TSC22D1: variants seen among roughly 807,000 people sequenced by gnomAD.
TSC22D1 encodes TSC22 domain family protein 1.
Under a neutral mutation model 74.2 loss-of-function variants are expected in TSC22D1, and 9 were observed. That is an observed-to-expected ratio of 0.12 (90% confidence interval 0.07 to 0.21). The LOEUF is 0.21. Ranked by LOEUF, TSC22D1 falls within the 10% of genes least tolerant of loss-of-function variation. The pLI is 1.00. For synonymous variants in TSC22D1, 586 were observed against 492.5 expected, an observed-to-expected ratio of 1.19 and a Z score of -2.51; for missense variants, 1,427 against 1,304.7, an observed-to-expected ratio of 1.09 and a Z score of -1.44.
chr13:44,446,051 C>T (rs1875606377), intron 1 of TSC22D1, among the ~76,000 whole-genome samples: 1 of 152,150 alleles, frequency 6.6e-6, no homozygotes, highest in Non-Finnish European at 1.5e-5. Context: ...AAATTGAAAA[C>T]ATGTTACCAC....
rs373719691 is a variant in TSC22D1 at position 44,484,869 on chromosome 13, G to C, written c.2913-48774C>G. The stretch of plus-strand genomic sequence containing the variant: ...TTTAACTGATAACACTGGAATTGTA[G>C]AAAATACATGAGCATCTGTGTTTTG... On this transcript the variant is annotated intron_variant, in intron 1 of 2. Coordinates refer to ENST00000458659, the MANE Select transcript of TSC22D1 (RefSeq NM_183422.4). Among the ~76,000 whole-genome samples the C allele has an allele frequency of 1.4e-4, 21 of 152,310 alleles. No individual in the cohort carries two copies. The East Asian group carries it at 2.3e-3, about 17-fold the overall frequency.
intron 1 of TSC22D1, among the ~76,000 whole-genome samples, chr13:44,442,000 A>G (rs1277285718): frequency 6.6e-6 from 1 of 152,164 alleles, no homozygotes; most frequent in African/African-American, 2.4e-5. Flanking sequence ...ATGAAAAAAA[A>G]ACTCTGTAAA....
chr13:44,555,537 T>C (rs1411259927), intron 1 of TSC22D1, among the ~76,000 whole-genome samples: 2 of 151,932 alleles, frequency 1.3e-5, no homozygotes, highest in African/African-American at 4.8e-5. Flanking sequence ...ACCCACGAGG[T>C]GGAGGTTGCA....
intron 1 of TSC22D1, among the ~76,000 whole-genome samples, chr13:44,509,839 CAGAAA>C (rs1879606942): frequency 6.9e-6 from 1 of 145,384 alleles, no homozygotes; most frequent in South Asian, 2.2e-4. Flanking sequence ...GGTTCACTAA[CAGAAA>C]AAAGAGACAG....
chr13:44,535,431 T>C (rs1595144069), intron 1 of TSC22D1, among the ~76,000 whole-genome samples: 2 of 152,054 alleles, frequency 1.3e-5, no homozygotes, highest in Admixed American at 1.3e-4. Flanking sequence ...GAAATATTTT[T>C]AAAGGGAAAC....
intron 1 of TSC22D1, chr13:44,537,634 T>A: frequency 2.0e-6 from 2 of 984,726 alleles, no homozygotes; most frequent in Non-Finnish European, 2.4e-6. Context: ...AAACCAATTG[T>A]CTTATTAACA....
At chr13:44,567,990 G>A (rs1033056990) in intron 1 of TSC22D1, among the ~76,000 whole-genome samples, 3 of 151,994 alleles carry the variant, frequency 2.0e-5, no homozygotes, top group African/African-American at 7.2e-5. Flanking sequence ...AGGAAGGGAA[G>A]GAAAAACAAA....
intron 1 of TSC22D1, among the ~76,000 whole-genome samples, chr13:44,529,000 A>G (rs1258549693): frequency 6.6e-6 from 1 of 152,092 alleles, no homozygotes; most frequent in Non-Finnish European, 1.5e-5. Flanking sequence ...CTTCCCATGT[A>G]GAGTTCTACC....
chr13:44,442,431 T>C (rs1473554848), intron 1 of TSC22D1, among the ~76,000 whole-genome samples: 2 of 152,124 alleles, frequency 1.3e-5, no homozygotes, highest in East Asian at 3.8e-4. Context: ...GAGGAAAACA[T>C]TAGCATATTA....
intron 1 of TSC22D1, among the ~76,000 whole-genome samples, chr13:44,444,784 AATTT>A (rs1331794489): frequency 6.6e-6 from 1 of 152,162 alleles, no homozygotes; most frequent in East Asian, 1.9e-4. Context: ...GGCATATCAA[AATTT>A]ATTTCAATAA....
intron 1 of TSC22D1, among the ~76,000 whole-genome samples, chr13:44,568,481 C>A (rs578008203): frequency 6.6e-6 from 1 of 151,904 alleles, no homozygotes; most frequent in Non-Finnish European, 1.5e-5. Context: ...ACAAGCCACA[C>A]GGAAAAAGAA....
intron 1 of TSC22D1, among the ~76,000 whole-genome samples, chr13:44,479,684 C>T (rs1024499106): frequency 6.6e-6 from 1 of 152,196 alleles, no homozygotes; most frequent in African/African-American, 2.4e-5. Flanking sequence ...AAAGTAAGTA[C>T]TGGCCACCAA....
chr13:44,472,023 TA>T (rs1214748509), intron 1 of TSC22D1, among the ~76,000 whole-genome samples: 1 of 152,262 alleles, frequency 6.6e-6, no homozygotes, highest in Non-Finnish European at 1.5e-5. Flanking sequence ...AGGATTCAAG[TA>T]ACCCTTATTT....
Position 44,574,540 on chromosome 13 carries a change from A to T in TSC22D1, c.1535T>A (p.Leu512His). Residue 512 changes from leucine to histidine, a missense_variant, in exon 1 of 3, where the codon CTC becomes CAC. Leu to His is a moderately conservative substitution (Grantham distance 99). Transcript: ENST00000458659. Reference protein sequence around the residue: ...QQQQQQQQPALQGVTLQQMDF... With the variant: ...QQQQQQQQPAHQGVTLQQMDF... The stretch of plus-strand genomic sequence containing the variant: ...CATCTGTTGGAGGGTCACACCTTGG[A>T]GAGCTGGTTGTTGCTGTTGTTGTTG... 1.2e-6 allele frequency: 2 copies of T among 1,614,038 alleles called. No individual in the cohort carries two copies. The highest frequency in any genetic ancestry group is 8.5e-7 in the Non-Finnish European group (1 of 1,180,026).
At chr13:44,496,876 C>T (rs1048013106) in intron 1 of TSC22D1, among the ~76,000 whole-genome samples, 1 of 152,068 alleles carries the variant, frequency 6.6e-6, no homozygotes, top group Non-Finnish European at 1.5e-5. Flanking sequence ...TACCACTTCA[C>T]ACCCACTAGG....
intron 1 of TSC22D1, among the ~76,000 whole-genome samples, chr13:44,490,937 A>ATAT (rs35286764): frequency 1.3e-5 from 2 of 149,670 alleles, no homozygotes; most frequent in Non-Finnish European, 3.0e-5. Flanking sequence ...CATTAAAAAA[A>ATAT]ATATATATAC....
At position 44,487,979 on chromosome 13, in the gene TSC22D1, G is replaced by T. The variant is rs150939087; in HGVS notation, c.2913-51884C>A. Among the ~76,000 whole-genome samples, 203 of 152,016 alleles carry T rather than the reference G, an allele frequency of 1.3e-3. 1 individual carries two copies. The highest frequency in any genetic ancestry group is 4.5e-3 in the African/African-American group (187 of 41,472). ...AGGCTAAGGCATGAGAGTTGCTTGA[G>T]CTTGGGAGGTGGAGGTTGCAGTGAG... On this transcript the variant is annotated intron_variant, in intron 1 of 2. Coordinates refer to ENST00000458659, the MANE Select transcript of TSC22D1 (RefSeq NM_183422.4).
intron 1 of TSC22D1, chr13:44,436,519 A>G: frequency 6.2e-7 from 1 of 1,614,076 alleles, no homozygotes; most frequent in Non-Finnish European, 8.5e-7. Context: ...ATCAAGTCTC[A>G]CAGAAGCGTT....
intron 1 of TSC22D1, among the ~76,000 whole-genome samples, chr13:44,437,624 T>C (rs189847915): frequency 7.9e-5 from 12 of 152,272 alleles, no homozygotes; most frequent in Admixed American, 7.2e-4. Context: ...AAATATGCCT[T>C]CTTCTATTTA....
Sources: allele counts gnomAD v4.1 joint callset (sites outside exome capture counted in the v4.1 genomes callset), GRCh38; gene constraint gnomAD v4.1.1; transcripts MANE v1.5; gene names NCBI Gene and HGNC (gene_info 2026-07-23, HGNC 2026-07-21).